The following DCDC1 variants were observed in gnomAD, a reference collection of about 807,000 sequenced individuals.
The protein encoded by DCDC1 is doublecortin domain containing 1, also known as doublecortin domain-containing protein 1.
In DCDC1, 200 loss-of-function variants were observed where a neutral mutation model predicts 178.3. That is an observed-to-expected ratio of 1.12 (90% CI 1.00 to 1.26). The LOEUF is 1.26. Ranked by LOEUF, DCDC1 falls within the 50% of genes most tolerant of loss-of-function variation. DCDC1 has a pLI of 0.00. For missense variants in DCDC1, 1,983 were observed against 1,749.2 expected (o/e 1.13, Z -2.38); for synonymous variants, 690 against 604.8 (o/e 1.14, Z -2.07).
chr11:30,928,705 T>C (rs1008895260), intron 22 of DCDC1, among the ~76,000 whole-genome samples: 2 of 10,824 alleles, frequency 1.8e-4, no homozygotes, highest in Admixed American at 1.8e-3. Flanking sequence ...AATATTTAAC[T>C]TCATTTTAAA....
intron 1 of DCDC1, among the ~76,000 whole-genome samples, chr11:31,349,036 T>TA (rs11458846): frequency 0.29 from 44,017 of 151,760 alleles, 6,513 homozygotes; most frequent in African/African-American, 0.33. Flanking sequence ...TATTTTTTTT[T>TA]AAGTGGGGAG....
chr11:31,020,796 C>T (rs1952823173), intron 20 of DCDC1, among the ~76,000 whole-genome samples: 1 of 152,058 alleles, frequency 6.6e-6, no homozygotes, highest in Admixed American at 6.6e-5. Flanking sequence ...TCCAAGTAAA[C>T]TTTTGCATGA....
intron 20 of DCDC1, among the ~76,000 whole-genome samples, chr11:31,019,226 T>C (rs780585205): frequency 1.3e-5 from 2 of 152,114 alleles, no homozygotes; most frequent in South Asian, 2.1e-4. Context: ...AGCTCAGATA[T>C]ATAGAAGGAT....
chr11:31,287,234 A>G (rs1166559637), intron 7 of DCDC1, among the ~76,000 whole-genome samples: 1 of 151,872 alleles, frequency 6.6e-6, no homozygotes, highest in Non-Finnish European at 1.5e-5. Flanking sequence ...AAAACAAACA[A>G]ACAAACAAAA....
chr11:30,956,602 T>C (rs113882523), intron 20 of DCDC1, among the ~76,000 whole-genome samples: 55 of 152,252 alleles, frequency 3.6e-4, no homozygotes, highest in African/African-American at 1.2e-3. Flanking sequence ...TGAGAATCTA[T>C]ATTATAATAT....
At chr11:31,197,331 A>G (rs1463005131) in intron 9 of DCDC1, among the ~76,000 whole-genome samples, 1 of 152,142 alleles carries the variant, frequency 6.6e-6, no homozygotes, top group Non-Finnish European at 1.5e-5. Context: ...TCTTTGTATA[A>G]CTAAATATAC....
At chr11:30,913,111 T>G (rs1240952152) in intron 27 of DCDC1, among the ~76,000 whole-genome samples, 1 of 152,162 alleles carries the variant, frequency 6.6e-6, no homozygotes, top group East Asian at 1.9e-4. Flanking sequence ...TGCCCACACC[T>G]AATCAACAAG....
intron 7 of DCDC1, among the ~76,000 whole-genome samples, chr11:31,288,489 C>CT (rs1946998516): frequency 2.0e-5 from 3 of 151,788 alleles, no homozygotes; most frequent in Non-Finnish European, 4.4e-5. Flanking sequence ...TGATGTTCTA[C>CT]TTATAATTAA....
chr11:31,263,122 A>T, intron 8 of DCDC1: 1 of 1,584,076 alleles, frequency 6.3e-7, no homozygotes, highest in Non-Finnish European at 8.6e-7. Flanking sequence ...GGAGAAAAAT[A>T]AACTTTCTAA....
chr11:30,877,966 G>A lies in DCDC1; in HGVS notation c.*40+578C>T, dbSNP rs566955150. ...TGGAATGTTCGATTATATATAAAAA[G>A]TATTTTACATAAGCTATTTGATCCT... On this transcript the variant is annotated intron_variant, in intron 38 of 38. Transcript: ENST00000684477. Among the ~76,000 whole-genome samples, 4 of 152,188 alleles carry A rather than the reference G, an allele frequency of 2.6e-5. No individual in the cohort carries two copies. In the South Asian group the frequency reaches 8.3e-4, roughly 32 times the overall value.
intron 20 of DCDC1, chr11:30,992,590 C>T (rs1390873185): frequency 6.6e-6 from 1 of 152,144 alleles, no homozygotes; most frequent in East Asian, 1.9e-4. Flanking sequence ...TCTCCCATCA[C>T]CATGGTGATT....
At chr11:31,335,058 C>T (rs759257776) in intron 2 of DCDC1, among the ~76,000 whole-genome samples, 4 of 152,160 alleles carry the variant, frequency 2.6e-5, no homozygotes, top group Non-Finnish European at 5.9e-5. Context: ...GGCTCTGCCC[C>T]GTTCAAGCTT....
In DCDC1 at chr11:31,158,412, T is replaced by C. The variant is rs541555413; in HGVS notation, c.1222-20628A>G. On this transcript the variant is annotated intron_variant, in intron 9 of 38. Coordinates refer to ENST00000684477, the MANE Select transcript of DCDC1 (RefSeq NM_001387274.1). ...GATTACAGGCGTGAGCCACCGCGCC[T>C]GGCCAAGCCAATACATTGTTTTTGA... 1.2e-3 allele frequency among the ~76,000 whole-genome samples: 183 copies of C among 152,244 alleles called. 1 individual carries two copies. Among genetic ancestry groups the C allele is most frequent in the African/African-American group, 4.1e-3 (170 of 41,540 alleles).
chr11:30,887,416 A>G (rs1251011813), intron 36 of DCDC1, among the ~76,000 whole-genome samples: 2 of 152,142 alleles, frequency 1.3e-5, no homozygotes, highest in Non-Finnish European at 2.9e-5. Flanking sequence ...TTAGTTTTAA[A>G]TTGGCTTCTT....
intron 30 of DCDC1, 120 bp from the exon 31 acceptor site, chr11:30,905,284 C>A: frequency 9.6e-7 from 1 of 1,044,674 alleles, no homozygotes; most frequent in African/African-American, 1.6e-5. Flanking sequence ...GCAATGCTCT[C>A]TTCATGTTTT....
In DCDC1 at chr11:31,010,966, T is replaced by A. The variant is rs79688721; in HGVS notation, c.2591+53503A>T. 9.0e-3 allele frequency among the ~76,000 whole-genome samples: 1,365 copies of A among 152,246 alleles called. 19 individuals are homozygous for A. Among genetic ancestry groups the A allele is most frequent in the African/African-American group, 0.03 (1,262 of 41,542 alleles). On this transcript the variant is annotated intron_variant, in intron 20 of 38. Transcript: ENST00000684477. ...ATATTGAAATGTTTGTTATATTTTT[T>A]AAAAAACCTACTAAACAAATAAGTA... is the stretch of plus-strand genomic sequence containing the variant.
chr11:31,346,173 T>C (rs550839461), intron 1 of DCDC1, among the ~76,000 whole-genome samples: 1 of 152,106 alleles, frequency 6.6e-6, no homozygotes, highest in Non-Finnish European at 1.5e-5. Context: ...TTAAAAGACA[T>C]GGCAGAGAAA....
At chr11:31,140,223 T>C (rs186240971) in intron 9 of DCDC1, among the ~76,000 whole-genome samples, 1 of 152,326 alleles carries the variant, frequency 6.6e-6, no homozygotes, top group Non-Finnish European at 1.5e-5. Context: ...GAAATAACTT[T>C]TTGTCAATGG....
At chr11:31,205,150 G>A (rs1015886593) in intron 9 of DCDC1, among the ~76,000 whole-genome samples, 7 of 152,200 alleles carry the variant, frequency 4.6e-5, no homozygotes, top group South Asian at 2.1e-4. Flanking sequence ...ATTATAGCTT[G>A]CTTTTCTAGA....
Sources: allele counts gnomAD v4.1 joint callset (sites outside exome capture counted in the v4.1 genomes callset), GRCh38; gene constraint gnomAD v4.1.1; transcripts MANE v1.5; gene names NCBI Gene and HGNC (gene_info 2026-07-23, HGNC 2026-07-21).